Variants in NF2 observed in about 807,000 individuals in gnomAD.
NF2 encodes the protein NF2, moesin-ezrin-radixin like (MERLIN) tumor suppressor, also known as merlin.
In NF2, 8 loss-of-function variants were observed where a neutral mutation model predicts 83.7. That is an observed-to-expected ratio of 0.10 (90% confidence interval 0.06 to 0.17). The LOEUF (loss-of-function observed/expected upper bound fraction) is 0.17, where lower values mean the gene tolerates loss of function less well. Among genes scored for constraint, NF2 ranks in the 10% least tolerant of loss-of-function variants. NF2 has a pLI of 1.00. For missense variants in NF2, 533 were observed against 744.4 expected, an observed-to-expected ratio of 0.72 and a Z score of 3.31; for synonymous variants, 266 against 269.6, an observed-to-expected ratio of 0.99 and a Z score of 0.13.
At chr22:29,620,738 A>G (rs1459581142) in intron 1 of NF2, among the ~76,000 whole-genome samples, 1 of 151,578 alleles carries the variant, frequency 6.6e-6, no homozygotes, top group East Asian at 1.9e-4. Flanking sequence ...AAAAAAAAAT[A>G]GAGATGGGGG....
At chr22:29,610,970 C>A (rs887021333) in intron 1 of NF2, among the ~76,000 whole-genome samples, 3 of 152,012 alleles carry the variant, frequency 2.0e-5, no homozygotes, top group Non-Finnish European at 4.4e-5. Flanking sequence ...TAATTATATA[C>A]CATAAACAAG....
In NF2 at chr22:29,673,535, G is replaced by A. The variant is rs754424185; in HGVS notation, c.1340+49G>A. The A allele has an allele frequency of 1.4e-4, 216 of 1,559,924 alleles. 1 individual carries two copies. Among genetic ancestry groups the A allele is most frequent in the Admixed American group, 1.2e-3 (62 of 52,296 alleles). ...CTGGCGAGGAGGCTGGCGAAGGGCC[G>A]CAGACCAGCCTGCCCTGAGGCTGAG... On this transcript the variant is annotated intron_variant, in intron 12 of 15. Coordinates refer to ENST00000338641, the MANE Select transcript of NF2 (RefSeq NM_000268.4).
chr22:29,627,293 C>T (rs1049833868), intron 1 of NF2, among the ~76,000 whole-genome samples: 3 of 152,138 alleles, frequency 2.0e-5, no homozygotes, highest in Admixed American at 2.0e-4. Context: ...AAGTGACTTA[C>T]CCAGCACAGC....
At chr22:29,678,963 A>G (rs149961543) in intron 14 of NF2, among the ~76,000 whole-genome samples, 228 of 152,348 alleles carry the variant, frequency 1.5e-3, no homozygotes, top group African/African-American at 5.2e-3. Context: ...CCTAGTTCCC[A>G]GAGCTAGCGG....
At chr22:29,617,200 A>G (rs2065103949) in intron 1 of NF2, among the ~76,000 whole-genome samples, 1 of 152,142 alleles carries the variant, frequency 6.6e-6, no homozygotes, top group Non-Finnish European at 1.5e-5. Flanking sequence ...AAGTGCTGGG[A>G]TTACAGGTGT....
intron 1 of NF2, among the ~76,000 whole-genome samples, chr22:29,613,034 C>T (rs1010064998): frequency 4.6e-5 from 7 of 151,584 alleles, no homozygotes; most frequent in African/African-American, 9.7e-5. Context: ...GCGGAGCTTG[C>T]GGTGAGCTGA....
At chr22:29,623,595 C>T (rs937448755) in intron 1 of NF2, among the ~76,000 whole-genome samples, 3 of 152,104 alleles carry the variant, frequency 2.0e-5, no homozygotes, top group Admixed American at 6.6e-5. Context: ...AGAAGACCTG[C>T]TAGGCTCAAG....
chr22:29,661,406 C>T (rs563652413), intron 8 of NF2, 67 bp downstream of exon 8: 2 of 1,599,990 alleles, frequency 1.3e-6, no homozygotes, highest in Admixed American at 1.7e-5. Flanking sequence ...TCACTGGAGC[C>T]TCCCCAGCCA....
At chr22:29,631,416 A>C (rs1454956215) in intron 1 of NF2, among the ~76,000 whole-genome samples, 1 of 152,110 alleles carries the variant, frequency 6.6e-6, no homozygotes, top group Non-Finnish European at 1.5e-5. Flanking sequence ...TTCTGTTAGC[A>C]CTTACCAGGT....
In NF2 at chr22:29,696,487, G is replaced by A. The variant is rs2067556427; in HGVS notation, c.*1685G>A. Reference sequence around the variant, plus strand: ...CTATGGGGGCCTCAAGATTTTTGGAGAGCAGAGGTGGTCTCTGGCAATTCC... The same window carrying A: ...CTATGGGGGCCTCAAGATTTTTGGAAAGCAGAGGTGGTCTCTGGCAATTCC... On this transcript the variant is annotated 3_prime_UTR_variant, in exon 16 of 16. Transcript: ENST00000338641. 4 of 220,040 alleles carry A rather than the reference G, an allele frequency of 1.8e-5. No homozygotes were observed. The South Asian group carries it at 7.4e-4, about 41-fold the overall frequency. 13.6% of individuals were successfully genotyped at this position (220,040 alleles called of 1,614,324 possible).
At chr22:29,685,116 T>C (rs1342633700) in intron 15 of NF2, among the ~76,000 whole-genome samples, 1 of 151,722 alleles carries the variant, frequency 6.6e-6, no homozygotes, top group Non-Finnish European at 1.5e-5. Flanking sequence ...CCTGTGTTGA[T>C]GTTAGTTTTG....
chr22:29,607,887 TA>T (rs1412548073), intron 1 of NF2, among the ~76,000 whole-genome samples: 3 of 151,950 alleles, frequency 2.0e-5, no homozygotes, highest in South Asian at 4.2e-4. Context: ...GAAAGTACAA[TA>T]ACAGCTGGGC....
intron 3 of NF2, 134 bp from the exon 4 acceptor site, chr22:29,642,068 C>T: frequency 8.1e-6 from 6 of 745,126 alleles, no homozygotes; most frequent in East Asian, 2.6e-5. Context: ...AAAAATTGTA[C>T]CCTTTGTCAG....
chr22:29,628,466 G>A (rs1373786476), intron 1 of NF2, among the ~76,000 whole-genome samples: 1 of 151,974 alleles, frequency 6.6e-6, no homozygotes, highest in Admixed American at 6.6e-5. Context: ...AATTGGTGAA[G>A]AGTTGAAGGC....
chr22:29,629,566 T>C (rs1313235048), intron 1 of NF2, among the ~76,000 whole-genome samples: 2 of 152,232 alleles, frequency 1.3e-5, no homozygotes, highest in Non-Finnish European at 1.5e-5. Flanking sequence ...CATCCTTTGT[T>C]TTCCATTTCT....
chr22:29,606,662 A>G (rs766950969), intron 1 of NF2, among the ~76,000 whole-genome samples: 11 of 152,204 alleles, frequency 7.2e-5, no homozygotes, highest in Non-Finnish European at 1.0e-4. Context: ...GATTTAATGG[A>G]GATGCAGCCT....
intron 4 of NF2, among the ~76,000 whole-genome samples, chr22:29,643,844 T>C (rs1357926191): frequency 6.6e-6 from 1 of 152,004 alleles, no homozygotes. Flanking sequence ...GCAGAGGGGC[T>C]CCTTACTTCC....
intron 4 of NF2, among the ~76,000 whole-genome samples, chr22:29,652,976 A>G (rs2066193405): frequency 6.6e-6 from 1 of 152,108 alleles, no homozygotes; most frequent in African/African-American, 2.4e-5. Context: ...GCTGGAGTGT[A>G]GTGGCACAAT....
chr22:29,694,908 C>T lies in NF2; in HGVS notation c.*106C>T, dbSNP rs886057338. ...CCATAGGGAGCTGGCTGGGGGTTTC[C>T]GTGGGAGCTCCAGAACTTTCCCCAG... On this transcript the variant is annotated 3_prime_UTR_variant, in exon 16 of 16. Transcript: ENST00000338641. The surrounding 1 kb of genome is among the most constrained non-coding windows in gnomAD (Gnocchi z 4.1). The T allele has an allele frequency of 1.6e-5, 19 of 1,204,938 alleles. No homozygotes were observed. The East Asian group carries it at 1.8e-4, about 11-fold the overall frequency. 74.6% of individuals were successfully genotyped at this position (1,204,938 alleles called of 1,614,324 possible).
Sources: gnomAD v4.1 joint callset for allele counts (sites outside exome capture counted in the v4.1 genomes callset) on GRCh38, gnomAD v4.1.1 for gene constraint, Gnocchi (gnomAD v3.1) non-coding constraint, MANE v1.5 for transcripts, NCBI Gene and HGNC (gene_info 2026-07-23, HGNC 2026-07-21) for gene names.